The following C4orf50 variants were observed in gnomAD, a reference collection of about 807,000 sequenced individuals.
The protein encoded by C4orf50 is chromosome 4 open reading frame 50.
C4orf50 carries 80 observed loss-of-function variants against 77.2 expected under a neutral mutation model. That is an observed-to-expected ratio of 1.04 (90% CI 0.87 to 1.25). C4orf50 has a LOEUF of 1.25. C4orf50 is among the 50% of genes most tolerant of loss of function. The pLI, the probability that C4orf50 is intolerant of heterozygous loss-of-function variation, is 0.00. For missense variants in C4orf50, 1,257 were observed against 1,152.9 expected (o/e 1.09, Z -1.31); for synonymous variants, 532 against 465.3 (o/e 1.14, Z -1.84).
chr4:5,977,202 C>T (rs933385655), intron 29 of C4orf50, among the ~76,000 whole-genome samples: 2 of 152,288 alleles, frequency 1.3e-5, no homozygotes, highest in Non-Finnish European at 1.5e-5. Flanking sequence ...CCCTGGAGGG[C>T]GGAACAGCCT....
chr4:5,948,970 A>AAAAG (rs1718606983), intron 7 of C4orf50, among the ~76,000 whole-genome samples: 1 of 149,656 alleles, frequency 6.7e-6, no homozygotes, highest in Non-Finnish European at 1.5e-5. Flanking sequence ...CAAAAAAAAA[A>AAAAG]AAAAAAAAAT....
At chr4:6,016,105 A>C (rs1722674859) in intron 23 of C4orf50, among the ~76,000 whole-genome samples, 1 of 152,120 alleles carries the variant, frequency 6.6e-6, no homozygotes, top group South Asian at 2.1e-4. Flanking sequence ...GTCTTTCTTA[A>C]ATCTAAATTT....
chr4:5,975,406 A>C (rs16837971), intron 30 of C4orf50, among the ~76,000 whole-genome samples: 23,634 of 152,062 alleles, frequency 0.16, 2,363 homozygotes, highest in African/African-American at 0.27. Flanking sequence ...TCTCAAACAC[A>C]TGGGAAACGT....
chr4:6,000,953 C>A lies in C4orf50; in HGVS notation c.964-6477G>T, dbSNP rs1009483017. Among the ~76,000 whole-genome samples, 5 of 152,168 alleles carry A rather than the reference C, an allele frequency of 3.3e-5. No individual in the cohort carries two copies. The highest frequency in any genetic ancestry group is 2.6e-4 in the Admixed American group (4 of 15,270). On this transcript the variant is annotated intron_variant, in intron 25 of 33. Transcript: ENST00000531445. The surrounding 1 kb of genome is among the most constrained non-coding windows in gnomAD (Gnocchi z 6.0). ...GGTGCTGAGTCCCCTCCAAGGGCAA[C>A]CCATCGGTAAGTGGCAGGAGAGCCC...
chr4:5,971,640 G>A (rs1390911676), intron 31 of C4orf50, among the ~76,000 whole-genome samples: 1 of 152,216 alleles, frequency 6.6e-6, no homozygotes, highest in African/African-American at 2.4e-5. Context: ...TCAAGTGACA[G>A]ATGAAGAAAT....
intron 7 of C4orf50, chr4:5,899,332 T>C (rs2152479321): frequency 6.6e-6 from 1 of 152,368 alleles, no homozygotes; most frequent in South Asian, 2.1e-4. Flanking sequence ...TGCAAACAAC[T>C]GCACCCAAGA....
chr4:5,980,341 G>C lies in C4orf50; in HGVS notation c.3700-3C>G, dbSNP rs906262026. ...ACCTCGGCCTCTGAGTCCCGGAGCT[G>C]CGGAAATCACAGATTTGAATGAAAT... On this transcript the variant is annotated splice_region_variant and splice_polypyrimidine_tract_variant and intron_variant, in intron 28 of 33. Coordinates refer to ENST00000531445, the Ensembl canonical transcript of C4orf50. 1 of 1,608,430 alleles carries C rather than the reference G, an allele frequency of 6.2e-7. No individual in the cohort carries two copies. Among genetic ancestry groups the C allele is most frequent in the African/African-American group, 1.3e-5 (1 of 74,574 alleles).
chr4:5,949,391 C>A (rs1302943270), intron 7 of C4orf50, among the ~76,000 whole-genome samples: 1 of 152,222 alleles, frequency 6.6e-6, no homozygotes, highest in Non-Finnish European at 1.5e-5. Context: ...CACGCTCCAA[C>A]ACGGATGAAC....
chr4:6,004,391 TGG>T (rs1722132675), intron 25 of C4orf50, among the ~76,000 whole-genome samples: 1 of 72,120 alleles, frequency 1.4e-5, no homozygotes. Flanking sequence ...ATGGTGATGG[TGG>T]TGATGGTGAT....
At chr4:5,995,124 G>C (rs938642429) in intron 25 of C4orf50, among the ~76,000 whole-genome samples, 1 of 152,036 alleles carries the variant, frequency 6.6e-6, no homozygotes, top group African/African-American at 2.4e-5. Context: ...GGGCACCAAA[G>C]GCTCCCAGCT....
At chr4:6,003,872 A>ATGG in intron 25 of C4orf50, among the ~76,000 whole-genome samples, 1 of 128,360 alleles carries the variant, frequency 7.8e-6, no homozygotes, top group Non-Finnish European at 1.6e-5. Context: ...GATGGTGATG[A>ATGG]TGGTGATGGT....
At chr4:5,961,595 C>T (rs1417145893) in intron 33 of C4orf50, among the ~76,000 whole-genome samples, 1 of 152,234 alleles carries the variant, frequency 6.6e-6, no homozygotes, top group East Asian at 1.9e-4. Flanking sequence ...CAAGGCCACA[C>T]AGCTAATAGG....
chr4:5,988,779 G>C (rs148575061), exon 28 of C4orf50: 2 of 1,535,942 alleles, frequency 1.3e-6, no homozygotes, highest in Admixed American at 2.0e-5. Context: ...GAAGGTGCTC[G>C]TTCTCCCCAC....
chr4:5,951,239 G>A (rs1264090758), intron 7 of C4orf50, among the ~76,000 whole-genome samples: 1 of 152,208 alleles, frequency 6.6e-6, no homozygotes, highest in African/African-American at 2.4e-5. Context: ...TCTGTACAAA[G>A]TTGAGAGACT....
At chr4:5,956,505 A>G (rs908109774), downstream of C4orf50, among the ~76,000 whole-genome samples, 5 of 152,214 alleles carry the variant, frequency 3.3e-5, no homozygotes, top group Non-Finnish European at 5.9e-5. Context: ...TGCTCGGAGA[A>G]GCATCTGCTG....
At position 6,008,548 on chromosome 4, in the gene C4orf50, G is replaced by A. The variant is rs1156487065; in HGVS notation, c.427-16C>T. 7.5e-6 allele frequency: 3 copies of A among 397,720 alleles called. No individual in the cohort carries two copies. The highest frequency in any genetic ancestry group is 1.3e-5 in the Non-Finnish European group (3 of 225,480). 24.6% of individuals were successfully genotyped at this position (397,720 alleles called of 1,614,324 possible). A position where few individuals can be genotyped will look rare whatever the true frequency, so the allele number is the denominator to read the frequency against. On this transcript the variant is annotated splice_polypyrimidine_tract_variant and intron_variant, in intron 24 of 33. Transcript: ENST00000531445. The surrounding 1 kb of genome is among the most constrained non-coding windows in gnomAD (Gnocchi z 6.0). ...CCTCCCGGATCTACAAGTTGGCGGT[G>A]GATGAGGGCGTCAGCAAGCCCAAAG...
At chr4:5,904,961 G>A (rs1041428074) in intron 7 of C4orf50, 4 of 152,090 alleles carry the variant, frequency 2.6e-5, no homozygotes, top group South Asian at 2.1e-4. Flanking sequence ...TACCTAAGTC[G>A]AAGGAACTGC....
chr4:5,935,540 C>A (rs772272159), intron 7 of C4orf50, among the ~76,000 whole-genome samples: 20 of 152,204 alleles, frequency 1.3e-4, no homozygotes, highest in Non-Finnish European at 2.8e-4. Context: ...GTGATCCCAG[C>A]ACTTTGGGAG....
chr4:5,899,009 A>G (rs949295895), intron 7 of C4orf50: 2 of 152,250 alleles, frequency 1.3e-5, no homozygotes, highest in African/African-American at 4.8e-5. Flanking sequence ...GGGAAAGAGA[A>G]AACCCAATCC....
Sources: allele counts gnomAD v4.1 joint callset (sites outside exome capture counted in the v4.1 genomes callset), GRCh38; gene constraint gnomAD v4.1.1; non-coding constraint Gnocchi (gnomAD v3.1); transcripts MANE v1.5; gene names NCBI Gene and HGNC (gene_info 2026-07-23, HGNC 2026-07-21).